The following KCNH7 variants were observed in gnomAD, a reference collection of about 807,000 sequenced individuals.
The protein encoded by KCNH7 is voltage-gated inwardly rectifying potassium channel KCNH7.
Under a neutral mutation model 120.8 loss-of-function variants are expected in KCNH7, and 49 were observed. That is an observed-to-expected ratio of 0.41 (90% CI 0.32 to 0.51). The LOEUF (loss-of-function observed/expected upper bound fraction) is 0.51. Ranked by LOEUF, KCNH7 falls within the 20% of genes least tolerant of loss-of-function variation. The probability of loss-of-function intolerance (pLI) is 0.38; values close to 1 mark genes in which losing one functional copy is unlikely to be tolerated. For synonymous variants in KCNH7, 547 were observed against 516.1 expected, an observed-to-expected ratio of 1.06 and a Z score of -0.81; for missense variants, 1,097 against 1,446.6, an observed-to-expected ratio of 0.76 and a Z score of 3.92.
intron 6 of KCNH7, among the ~76,000 whole-genome samples, chr2:162,455,563 G>C (rs1221156007): frequency 3.9e-5 from 6 of 152,108 alleles, no homozygotes; most frequent in Non-Finnish European, 8.8e-5. Context: ...AATCCGTCTG[G>C]TCCTGGGCTT....
intron 8 of KCNH7, among the ~76,000 whole-genome samples, chr2:162,433,817 T>C (rs1482469281): frequency 6.6e-6 from 1 of 152,064 alleles, no homozygotes; most frequent in Non-Finnish European, 1.5e-5. Context: ...GAATGCAGTT[T>C]GAAGGTTTCT....
chr2:162,820,629 T>C (rs1685088031), intron 2 of KCNH7, among the ~76,000 whole-genome samples: 1 of 152,194 alleles, frequency 6.6e-6, no homozygotes, highest in South Asian at 2.1e-4. Context: ...CTTTCTTTCT[T>C]TCTTTTTCTT....
intron 2 of KCNH7, among the ~76,000 whole-genome samples, chr2:162,807,756 C>T (rs899589000): frequency 6.6e-6 from 1 of 151,830 alleles, no homozygotes; most frequent in South Asian, 2.1e-4. Context: ...AATCTCGGCT[C>T]ACTGCAACCT....
intron 2 of KCNH7, among the ~76,000 whole-genome samples, chr2:162,766,659 A>G (rs16822702): frequency 0.25 from 37,409 of 152,016 alleles, 4,917 homozygotes; most frequent in African/African-American, 0.34. Flanking sequence ...AGCAGCAGAG[A>G]TTAGAAAGCA....
intron 6 of KCNH7, among the ~76,000 whole-genome samples, chr2:162,494,843 C>A (rs1366803854): frequency 6.6e-6 from 1 of 152,080 alleles, no homozygotes; most frequent in Non-Finnish European, 1.5e-5. Context: ...CTGAAATGCT[C>A]ATGAATATCA....
intron 2 of KCNH7, among the ~76,000 whole-genome samples, chr2:162,750,147 AG>A (rs1007739536): frequency 5.9e-5 from 9 of 151,304 alleles, no homozygotes; most frequent in African/African-American, 2.2e-4. Flanking sequence ...GCCTTTGCAA[AG>A]CCAAGGAGTC....
At chr2:162,485,249 C>T (rs1690055913) in intron 6 of KCNH7, among the ~76,000 whole-genome samples, 1 of 152,148 alleles carries the variant, frequency 6.6e-6, no homozygotes, top group Non-Finnish European at 1.5e-5. Flanking sequence ...GGGGAATCTA[C>T]ATGAGAAACA....
intron 8 of KCNH7, among the ~76,000 whole-genome samples, chr2:162,433,252 C>T (rs1453021635): frequency 6.6e-6 from 1 of 152,088 alleles, no homozygotes; most frequent in Non-Finnish European, 1.5e-5. Flanking sequence ...CTACCAATGT[C>T]ATTTTCCACA....
intron 14 of KCNH7, among the ~76,000 whole-genome samples, chr2:162,379,518 G>A (rs1342675477): frequency 1.3e-5 from 2 of 148,250 alleles, no homozygotes; most frequent in South Asian, 2.1e-4. Flanking sequence ...AGTGTAAAAG[G>A]AGGATTAAAA....
At position 162,713,081 on chromosome 2, in the gene KCNH7, C is replaced by A. The variant is rs566916672; in HGVS notation, c.307+123456G>T. Among the ~76,000 whole-genome samples, 15 of 152,260 alleles carry A rather than the reference C, an allele frequency of 9.9e-5. No homozygotes were observed. In the South Asian group the frequency reaches 3.1e-3, roughly 32 times the overall value. On this transcript the variant is annotated intron_variant, in intron 2 of 15. Transcript: ENST00000332142. ...CTGAGATTACAGGCACCCACCACCACACCCAGCTAATTTTTGCATTTTTAG... is the reference window on the plus strand; with the variant it reads ...CTGAGATTACAGGCACCCACCACCAAACCCAGCTAATTTTTGCATTTTTAG...
chr2:162,525,889 G>GT (rs901181494), intron 3 of KCNH7, among the ~76,000 whole-genome samples: 4 of 151,924 alleles, frequency 2.6e-5, no homozygotes, highest in Non-Finnish European at 5.9e-5. Flanking sequence ...CTCTGGTGTG[G>GT]TTATACCAAT....
At chr2:162,600,814 A>G (rs181643322) in intron 2 of KCNH7, among the ~76,000 whole-genome samples, 1 of 152,148 alleles carries the variant, frequency 6.6e-6, no homozygotes, top group East Asian at 1.9e-4. Flanking sequence ...ATTTGCCTAG[A>G]TCAGGTATGG....
At chr2:162,402,967 A>G (rs1187412313) in intron 9 of KCNH7, among the ~76,000 whole-genome samples, 1 of 151,956 alleles carries the variant, frequency 6.6e-6, no homozygotes, top group Admixed American at 6.6e-5. Flanking sequence ...TCCATCATTT[A>G]CTAGTTTGAC....
intron 2 of KCNH7, among the ~76,000 whole-genome samples, chr2:162,813,784 C>T (rs3843856): frequency 0.94 from 143,224 of 152,250 alleles, 67,486 homozygotes; most frequent in Middle Eastern, 0.99. Flanking sequence ...GTGAATTGTA[C>T]TGTCAGTTAT....
chr2:162,584,940 A>G (rs1693981796), intron 2 of KCNH7, among the ~76,000 whole-genome samples: 1 of 138,574 alleles, frequency 7.2e-6, no homozygotes, highest in East Asian at 2.1e-4. Context: ...CAAGAGCTCT[A>G]CCTGTCTCAC....
At chr2:162,442,003 T>TTTTTTTTTG (rs1688433641) in intron 7 of KCNH7, among the ~76,000 whole-genome samples, 1 of 82,550 alleles carries the variant, frequency 1.2e-5, no homozygotes, top group Non-Finnish European at 2.2e-5. Context: ...GGTCTTCTTT[T>TTTTTTTTTG]TTTTTTTTTT....
At chr2:162,569,496 A>C (rs1329370768) in intron 2 of KCNH7, among the ~76,000 whole-genome samples, 2 of 143,172 alleles carry the variant, frequency 1.4e-5, no homozygotes, top group East Asian at 4.2e-4. Flanking sequence ...GGATTCATTA[A>C]TTTTTTGAAG....
chr2:162,692,533 C>T (rs957402019), intron 2 of KCNH7, among the ~76,000 whole-genome samples: 2 of 152,064 alleles, frequency 1.3e-5, no homozygotes, highest in African/African-American at 2.4e-5. Context: ...TTTGAAAAGT[C>T]TGTGTGACAG....
At chr2:162,757,387 T>C (rs1688822843) in intron 2 of KCNH7, among the ~76,000 whole-genome samples, 1 of 152,186 alleles carries the variant, frequency 6.6e-6, no homozygotes, top group Admixed American at 6.6e-5. Flanking sequence ...CATTAGTCTA[T>C]TTAATGAATT....
Sources: allele counts gnomAD v4.1 joint callset (sites outside exome capture counted in the v4.1 genomes callset), GRCh38; gene constraint gnomAD v4.1.1; transcripts MANE v1.5; gene names NCBI Gene and HGNC (gene_info 2026-07-23, HGNC 2026-07-21).